PGCKA1: variants seen among roughly 807,000 people sequenced by gnomAD.
PGCKA1 encodes PDCD10 and GCKIII kinases-associated protein 1.
chr4:37,466,953 C>T, the PGCKA1 span, among the ~76,000 whole-genome samples: 2 of 152,220 alleles, frequency 1.3e-5, no homozygotes, highest in Admixed American at 6.5e-5. Flanking sequence ...CAAAAATTAG[C>T]TGGGCATGGT....
At chr4:37,587,370 A>C in the PGCKA1 span, among the ~76,000 whole-genome samples, 1,171 of 152,268 alleles carry the variant, frequency 7.7e-3, 21 homozygotes, top group African/African-American at 0.027. Flanking sequence ...GGATGTGGAT[A>C]TCTTTGGGGG....
the PGCKA1 span, among the ~76,000 whole-genome samples, chr4:37,585,591 G>A: frequency 4.2e-4 from 18 of 43,090 alleles, no homozygotes; most frequent in South Asian, 2.6e-3. Flanking sequence ...GTTGAGGGAG[G>A]GGAGGGGAGA....
At chr4:37,572,955 C>T in the PGCKA1 span, among the ~76,000 whole-genome samples, 1 of 152,152 alleles carries the variant, frequency 6.6e-6, no homozygotes, top group African/African-American at 2.4e-5. Flanking sequence ...CAAGGGCATT[C>T]TCTTTTTTTC....
chr4:37,551,816 G>C, the PGCKA1 span, among the ~76,000 whole-genome samples: 1 of 152,162 alleles, frequency 6.6e-6, no homozygotes, highest in South Asian at 2.1e-4. Context: ...TTTACTACCT[G>C]TACTTCTTCA....
the PGCKA1 span, among the ~76,000 whole-genome samples, chr4:37,544,124 C>T: frequency 4.6e-5 from 7 of 152,108 alleles, no homozygotes; most frequent in African/African-American, 1.7e-4. Context: ...ATGTCTTTAT[C>T]CTACCCTCTC....
the PGCKA1 span, among the ~76,000 whole-genome samples, chr4:37,541,516 C>T: frequency 6.6e-6 from 1 of 152,164 alleles, no homozygotes; most frequent in African/African-American, 2.4e-5. Context: ...CTCTACCAGC[C>T]CCTCTTAGGG....
At chr4:37,529,374 C>G in the PGCKA1 span, among the ~76,000 whole-genome samples, 1 of 152,020 alleles carries the variant, frequency 6.6e-6, no homozygotes, top group African/African-American at 2.4e-5. Context: ...TATTTTCTCC[C>G]CAATCATATG....
At chr4:37,588,082 G>A in the PGCKA1 span, 2 of 152,268 alleles carry the variant, frequency 1.3e-5, no homozygotes, top group African/African-American at 4.8e-5. Flanking sequence ...GGCCAACATG[G>A]TCAGTTTTAT....
the PGCKA1 span, among the ~76,000 whole-genome samples, chr4:37,580,954 C>T: frequency 1.3e-5 from 2 of 152,308 alleles, no homozygotes; most frequent in African/African-American, 2.4e-5. Flanking sequence ...AACCATAAGA[C>T]AAGGCCATTT....
chr4:37,490,173 T>G, the PGCKA1 span, among the ~76,000 whole-genome samples: 1 of 152,186 alleles, frequency 6.6e-6, no homozygotes, highest in African/African-American at 2.4e-5. Flanking sequence ...CTCTCCTGTA[T>G]GTTAATGCAT....
the PGCKA1 span, among the ~76,000 whole-genome samples, chr4:37,576,647 TATC>T: frequency 6.6e-6 from 1 of 152,284 alleles, no homozygotes; most frequent in South Asian, 2.1e-4. Context: ...TGGGCATCCT[TATC>T]ATGTTTTAGA....
chr4:37,559,664 C>G, the PGCKA1 span, among the ~76,000 whole-genome samples: 1 of 152,064 alleles, frequency 6.6e-6, no homozygotes, highest in Non-Finnish European at 1.5e-5. Context: ...TCAGAGGGTC[C>G]AGGATAACGA....
chr4:37,570,505 T>A, the PGCKA1 span, among the ~76,000 whole-genome samples: 1 of 150,722 alleles, frequency 6.6e-6, no homozygotes, highest in Non-Finnish European at 1.5e-5. Flanking sequence ...GATTCATTAC[T>A]GTCTATAATG....
the PGCKA1 span, among the ~76,000 whole-genome samples, chr4:37,509,939 A>G: frequency 1.5e-5 from 2 of 136,120 alleles, no homozygotes; most frequent in African/African-American, 2.6e-5. Context: ...GCTGGGCATC[A>G]GAGGGAGACC....
chr4:37,455,215 C>G, the PGCKA1 span, among the ~76,000 whole-genome samples: 1 of 152,090 alleles, frequency 6.6e-6, no homozygotes, highest in South Asian at 2.1e-4. Flanking sequence ...CCATTTAATC[C>G]TTCAGTTGAT....
chr4:37,495,674 A>G, the PGCKA1 span, among the ~76,000 whole-genome samples: 4 of 152,146 alleles, frequency 2.6e-5, no homozygotes, highest in African/African-American at 9.7e-5. Context: ...ACACACGGAC[A>G]CAGGGAGGGG....
At chr4:37,485,525 C>T in the PGCKA1 span, among the ~76,000 whole-genome samples, 1 of 152,128 alleles carries the variant, frequency 6.6e-6, no homozygotes, top group African/African-American at 2.4e-5. Flanking sequence ...TTGACCTTGA[C>T]TTCCCAGCCT....
chr4:37,459,799 C>CTTT, the PGCKA1 span, among the ~76,000 whole-genome samples: 1 of 136,226 alleles, frequency 7.3e-6, no homozygotes, highest in Non-Finnish European at 1.6e-5. Flanking sequence ...AGCTTTCTTT[C>CTTT]TTTTTTTTTT....
the PGCKA1 span, among the ~76,000 whole-genome samples, chr4:37,592,995 T>G: frequency 6.6e-6 from 1 of 152,332 alleles, no homozygotes; most frequent in East Asian, 1.9e-4. Flanking sequence ...ACGGCACCCT[T>G]ACAAATGCTT....
Sources: gnomAD v4.1 joint callset for allele counts (sites outside exome capture counted in the v4.1 genomes callset) on GRCh38, gnomAD v4.1.1 for gene constraint, MANE v1.5 for transcripts, NCBI Gene and HGNC (gene_info 2026-07-23, HGNC 2026-07-21) for gene names.